The following ASTN2 variants were observed in gnomAD, a reference collection of about 807,000 sequenced individuals.
ASTN2 encodes astrotactin 2, also known as astrotactin-2.
Under a neutral mutation model 139.8 loss-of-function variants are expected in ASTN2, and 54 were observed. That is an observed-to-expected ratio of 0.39 (90% confidence interval 0.31 to 0.48). The LOEUF is 0.48. Ranked by LOEUF, ASTN2 falls within the 20% of genes least tolerant of loss-of-function variation. The pLI is 0.95. For missense variants in ASTN2, 1,565 were observed against 1,725.1 expected, an observed-to-expected ratio of 0.91 and a Z score of 1.64; for synonymous variants, 756 against 719.5, an observed-to-expected ratio of 1.05 and a Z score of -0.81.
At chr9:116,924,619 T>C (rs1012487100) in intron 10 of ASTN2, among the ~76,000 whole-genome samples, 13 of 152,134 alleles carry the variant, frequency 8.5e-5, no homozygotes, top group Non-Finnish European at 1.8e-4. Flanking sequence ...TTAGACCATA[T>C]AAGGTAACTT....
intron 10 of ASTN2, among the ~76,000 whole-genome samples, chr9:116,913,174 A>G (rs1834361456): frequency 6.6e-6 from 1 of 152,134 alleles, no homozygotes; most frequent in Non-Finnish European, 1.5e-5. Context: ...AAACTGCTGG[A>G]ACTACAGGCA....
In ASTN2 at chr9:116,733,507, T is replaced by C; in HGVS notation, c.2413A>G (p.Lys805Glu). 2 of 1,614,122 alleles carry C rather than the reference T, an allele frequency of 1.2e-6. No individual in the cohort carries two copies. The highest frequency in any genetic ancestry group is 1.7e-6 in the Non-Finnish European group (2 of 1,180,006). Residue 805 changes from lysine (K) to glutamate (E), a missense_variant, in exon 14 of 23, where the codon AAG becomes GAG. Around this residue, in one of 4 missense-constraint regions of ASTN2, gnomAD observed 503 missense variants for 591.7 expected, o/e 0.85. Coordinates refer to ENST00000313400, the MANE Select transcript of ASTN2 (RefSeq NM_001365068.1). The part of the protein sequence containing the change: ...QMTFRENNFI[K>E]DFPQLADGLL... The stretch of plus-strand genomic sequence containing the variant: ...CCATCGGCCAGCTGGGGAAAGTCCT[T>C]GATGAAGTTGTTCTCCCTGTGGAGA...
chr9:116,711,024 C>G (rs1828140424), intron 16 of ASTN2, among the ~76,000 whole-genome samples: 1 of 152,052 alleles, frequency 6.6e-6, no homozygotes, highest in African/African-American at 2.4e-5. Flanking sequence ...GACTCAGGGA[C>G]TGGATATAGA....
At chr9:116,725,660 T>A in intron 16 of ASTN2, 111 bp downstream of exon 16, 1 of 1,131,466 alleles carries the variant, frequency 8.8e-7, no homozygotes, top group Non-Finnish European at 1.3e-6. Context: ...GTCACACAGC[T>A]TAGACGTGGC....
intron 11 of ASTN2, among the ~76,000 whole-genome samples, chr9:116,824,067 A>C (rs548290227): frequency 6.6e-6 from 1 of 152,324 alleles, no homozygotes; most frequent in East Asian, 1.9e-4. Flanking sequence ...GAATTGGTGG[A>C]GTGCTAGAAA....
chr9:117,329,497 T>A (rs960036931), intron 1 of ASTN2, among the ~76,000 whole-genome samples: 3 of 152,068 alleles, frequency 2.0e-5, no homozygotes, highest in Admixed American at 2.0e-4. Context: ...GAGACTAAGT[T>A]CACTTTTTCA....
chr9:116,874,800 G>C (rs941094923), intron 10 of ASTN2, among the ~76,000 whole-genome samples: 6 of 152,078 alleles, frequency 3.9e-5, no homozygotes, highest in Non-Finnish European at 7.4e-5. Flanking sequence ...ATTGAAGGTC[G>C]GTGGCTACCC....
At chr9:117,024,512 T>C (rs907217798) in intron 6 of ASTN2, among the ~76,000 whole-genome samples, 11 of 152,052 alleles carry the variant, frequency 7.2e-5, no homozygotes, top group Non-Finnish European at 1.2e-4. Context: ...GGGGTGGTTA[T>C]AAAAGTGGAA....
intron 12 of ASTN2, among the ~76,000 whole-genome samples, chr9:116,808,279 G>T (rs1011038716): frequency 9.3e-5 from 2 of 21,440 alleles, no homozygotes; most frequent in Non-Finnish European, 1.6e-4. Flanking sequence ...AATACATATT[G>T]TGTGTGTGTG....
intron 2 of ASTN2, among the ~76,000 whole-genome samples, chr9:117,247,695 T>G (rs1362026802): frequency 6.6e-6 from 1 of 152,194 alleles, no homozygotes; most frequent in Non-Finnish European, 1.5e-5. Context: ...AGCCCACACC[T>G]CTAAGAGGTT....
chr9:116,576,979 AG>A (rs1270900883), intron 19 of ASTN2, among the ~76,000 whole-genome samples: 4 of 152,184 alleles, frequency 2.6e-5, no homozygotes, highest in Admixed American at 6.5e-5. Flanking sequence ...AAACATTTAT[AG>A]GGTTCTTCCT....
At position 117,335,966 on chromosome 9, in the gene ASTN2, A is replaced by G. The variant is rs895895772; in HGVS notation, c.443-44453T>C. On this transcript the variant is annotated intron_variant, in intron 1 of 22. Coordinates refer to ENST00000313400, the MANE Select transcript of ASTN2 (RefSeq NM_001365068.1). ...CAGGCACACATTTAGCAATGCTCATAAATCCTGACAATATTAACAACACAC... is the reference window on the plus strand; with the variant it reads ...CAGGCACACATTTAGCAATGCTCATGAATCCTGACAATATTAACAACACAC... Among the ~76,000 whole-genome samples, 16 of 152,182 alleles carry G rather than the reference A, an allele frequency of 1.1e-4. No individual in the cohort carries two copies. The South Asian group carries it at 2.9e-3, about 28-fold the overall frequency.
chr9:116,846,506 T>G (rs1308388742), intron 11 of ASTN2, among the ~76,000 whole-genome samples: 1 of 152,154 alleles, frequency 6.6e-6, no homozygotes, highest in Non-Finnish European at 1.5e-5. Context: ...TTCAGGATGG[T>G]TTCTGATCAA....
intron 1 of ASTN2, among the ~76,000 whole-genome samples, chr9:117,394,001 C>A (rs926201166): frequency 2.0e-5 from 3 of 152,164 alleles, no homozygotes; most frequent in African/African-American, 4.8e-5. Flanking sequence ...CCAGACTTTG[C>A]GAATGCAAGC....
At chr9:117,250,810 T>C (rs578110211) in intron 2 of ASTN2, among the ~76,000 whole-genome samples, 49 of 151,908 alleles carry the variant, frequency 3.2e-4, no homozygotes, top group African/African-American at 1.2e-3. Flanking sequence ...CATATGGGAG[T>C]GTGTACTCTA....
chr9:116,532,753 T>C (rs1851413480), intron 19 of ASTN2, among the ~76,000 whole-genome samples: 1 of 152,226 alleles, frequency 6.6e-6, no homozygotes, highest in Non-Finnish European at 1.5e-5. Flanking sequence ...TATGCTGTTT[T>C]GGTTACTATA....
intron 10 of ASTN2, among the ~76,000 whole-genome samples, chr9:116,944,017 C>T (rs1345866029): frequency 6.6e-6 from 1 of 151,438 alleles, no homozygotes; most frequent in Admixed American, 6.6e-5. Flanking sequence ...CAATAATAGC[C>T]AACATTAATG....
chr9:116,450,980 T>C (rs1425489576), intron 20 of ASTN2, among the ~76,000 whole-genome samples: 1 of 152,096 alleles, frequency 6.6e-6, no homozygotes, highest in African/African-American at 2.4e-5. Flanking sequence ...GGTAAAGCAG[T>C]TTGTGGTTGG....
chr9:116,677,431 G>A (rs1048148484), intron 16 of ASTN2, among the ~76,000 whole-genome samples: 1 of 152,136 alleles, frequency 6.6e-6, no homozygotes, highest in Non-Finnish European at 1.5e-5. Flanking sequence ...TTGAGTTTGG[G>A]GGTATCAGAA....
Sources: gnomAD v4.1 joint callset for allele counts (sites outside exome capture counted in the v4.1 genomes callset) on GRCh38, gnomAD v4.1.1 for gene constraint, gnomAD v4.1.1 regional missense constraint, MANE v1.5 for transcripts, NCBI Gene and HGNC (gene_info 2026-07-23, HGNC 2026-07-21) for gene names.